Variants in MEGF11 observed in about 807,000 individuals in gnomAD.
MEGF11 encodes multiple epidermal growth factor-like domains protein 11.
Under a neutral mutation model 146.6 loss-of-function variants are expected in MEGF11, and 126 were observed. That is an observed-to-expected ratio of 0.86 (90% CI 0.74 to 1.00). The LOEUF (loss-of-function observed/expected upper bound fraction) is 1.00. Among genes scored for constraint, MEGF11 ranks in the 50% least tolerant of loss-of-function variants. The pLI is 0.00. For missense variants in MEGF11, 1,509 were observed against 1,521.2 expected (o/e 0.99, Z 0.13); for synonymous variants, 532 against 583.4 (o/e 0.91, Z 1.27).
At chr15:66,064,485 C>T (rs970792736) in intron 5 of MEGF11, among the ~76,000 whole-genome samples, 19 of 152,224 alleles carry the variant, frequency 1.2e-4, no homozygotes, top group African/African-American at 3.6e-4. Flanking sequence ...GAATTAGGGC[C>T]ATCTCTTGGA....
intron 5 of MEGF11, among the ~76,000 whole-genome samples, chr15:66,036,148 C>T (rs557552852): frequency 9.8e-5 from 15 of 152,374 alleles, no homozygotes; most frequent in African/African-American, 3.4e-4. Context: ...GAACAGGGAT[C>T]AGTGATAACC....
In MEGF11 at chr15:65,897,582, G is replaced by A. The variant is rs1199237861; in HGVS notation, c.*352C>T. 6.4e-6 allele frequency: 1 copy of A among 157,250 alleles called. No individual in the cohort carries two copies. The allele number at this position is 157,250 out of a possible 1,614,324, so 9.7% of individuals were successfully genotyped here. On this transcript the variant is annotated 3_prime_UTR_variant, in exon 26 of 26. Coordinates refer to ENST00000395614, the MANE Select transcript of MEGF11 (RefSeq NM_001385028.1). ...CTCCCCAGTCTCCTTTTTGTCCTAGGAAGGTTTGTTAAACCTACATGTTTT... is the reference window on the plus strand; with the variant it reads ...CTCCCCAGTCTCCTTTTTGTCCTAGAAAGGTTTGTTAAACCTACATGTTTT...
intron 18 of MEGF11, 31 bp downstream of exon 18, chr15:65,916,117 T>C: frequency 6.4e-7 from 1 of 1,560,480 alleles, no homozygotes; most frequent in Non-Finnish European, 8.7e-7. Flanking sequence ...CCCAGCAGCA[T>C]CACCCAGGAT....
chr15:66,226,002 A>T (rs2091844383), intron 1 of MEGF11, among the ~76,000 whole-genome samples: 1 of 152,236 alleles, frequency 6.6e-6, no homozygotes, highest in Non-Finnish European at 1.5e-5. Flanking sequence ...TACCAACCAC[A>T]GTCCAAAAAT....
chr15:66,196,982 G>A (rs1280336881), intron 1 of MEGF11, among the ~76,000 whole-genome samples: 1 of 150,598 alleles, frequency 6.6e-6, no homozygotes, highest in Non-Finnish European at 1.5e-5. Flanking sequence ...AAATAAATAT[G>A]GAAATCTACA....
rs571348362 is a variant in MEGF11 at position 66,249,580 on chromosome 15, G to C, written c.-9+4025C>G. ...AATTCTATGGCCTCTTGGATGGGGA[G>C]GGGGAGGGGATGTACATAGCAAGTC... On this transcript the variant is annotated intron_variant, in intron 1 of 25. Coordinates refer to ENST00000395614, the MANE Select transcript of MEGF11 (RefSeq NM_001385028.1). 1.1e-4 allele frequency among the ~76,000 whole-genome samples: 17 copies of C among 152,312 alleles called. 1 individual carries two copies. In the East Asian group the frequency reaches 3.1e-3, roughly 28 times the overall value.
At chr15:66,019,364 G>A (rs1198558652) in intron 5 of MEGF11, among the ~76,000 whole-genome samples, 4 of 152,226 alleles carry the variant, frequency 2.6e-5, no homozygotes, top group Non-Finnish European at 5.9e-5. Flanking sequence ...AGGGAATGGG[G>A]TTGAAAGGAA....
At chr15:66,234,711 C>T (rs1237793712) in intron 1 of MEGF11, among the ~76,000 whole-genome samples, 1 of 152,254 alleles carries the variant, frequency 6.6e-6, no homozygotes, top group Non-Finnish European at 1.5e-5. Flanking sequence ...CTGCCCAAGT[C>T]TCATTTCATT....
intron 1 of MEGF11, among the ~76,000 whole-genome samples, chr15:66,189,291 G>A (rs1567277505): frequency 6.6e-6 from 1 of 152,172 alleles, no homozygotes; most frequent in Admixed American, 6.5e-5. Context: ...CAGCATGCTG[G>A]GGTGGGGTGG....
At chr15:66,164,257 C>T (rs2141088379) in intron 1 of MEGF11, among the ~76,000 whole-genome samples, 1 of 152,266 alleles carries the variant, frequency 6.6e-6, no homozygotes, top group African/African-American at 2.4e-5. Context: ...AGAGAAGGGC[C>T]AGGCTGCCCT....
At chr15:66,074,220 A>G (rs879650433) in intron 5 of MEGF11, among the ~76,000 whole-genome samples, 1 of 152,192 alleles carries the variant, frequency 6.6e-6, no homozygotes, top group African/African-American at 2.4e-5. Flanking sequence ...GATAAATAAC[A>G]TATTCATTAT....
chr15:66,197,887 A>G (rs1423466785), intron 1 of MEGF11, among the ~76,000 whole-genome samples: 1 of 152,200 alleles, frequency 6.6e-6, no homozygotes, highest in East Asian at 1.9e-4. Context: ...CAAGGCCTCC[A>G]GGTTTCAAGA....
chr15:65,985,962 T>C (rs1221270794), intron 5 of MEGF11, among the ~76,000 whole-genome samples: 1 of 151,938 alleles, frequency 6.6e-6, no homozygotes, highest in Non-Finnish European at 1.5e-5. Flanking sequence ...CATTTTTTTT[T>C]TTTTTTGAGA....
Position 66,138,559 on chromosome 15 carries a change from G to A in MEGF11, c.-8-10148C>T, listed in dbSNP as rs143531967. Among the ~76,000 whole-genome samples the A allele has an allele frequency of 5.7e-4, 86 of 152,176 alleles. No homozygotes were observed. The East Asian group carries it at 0.013, about 23-fold the overall frequency. On this transcript the variant is annotated intron_variant, in intron 1 of 25. Coordinates refer to ENST00000395614, the MANE Select transcript of MEGF11 (RefSeq NM_001385028.1). ...CTGGCTTGCAGCCCGGTCGGGTCAC[G>A]GCCGGCACTTCACCTCCCTCCTCTG...
chr15:65,980,778 C>G lies in MEGF11; in HGVS notation c.762G>C (p.Thr254=), dbSNP rs540013008. 2.0e-4 allele frequency: 327 copies of G among 1,598,148 alleles called. No homozygotes were observed. The highest frequency in any genetic ancestry group is 2.6e-4 in the Non-Finnish European group (308 of 1,172,886). ...ACCCAGATCCTTTGGGCCCACTTAC[C>G]GTCCAGCCTGGGGGGCAGGCACACT... ...TGECACPPGW[T]GAVCAQPCPP... Residue 254 remains threonine (T), a splice_region_variant and synonymous_variant, in exon 7 of 26, where the codon ACG becomes ACC. Coordinates refer to ENST00000395614, the MANE Select transcript of MEGF11 (RefSeq NM_001385028.1).
chr15:66,237,378 G>A (rs950502441), intron 1 of MEGF11, among the ~76,000 whole-genome samples: 1 of 152,112 alleles, frequency 6.6e-6, no homozygotes, highest in Non-Finnish European at 1.5e-5. Flanking sequence ...AAAATTGATG[G>A]TCTCACCATT....
intron 10 of MEGF11, among the ~76,000 whole-genome samples, chr15:65,935,143 AC>A (rs2079724385): frequency 6.6e-6 from 1 of 151,608 alleles, no homozygotes; most frequent in South Asian, 2.1e-4. Context: ...ACATGGTGAA[AC>A]CCTGTCTCTA....
chr15:66,090,986 C>G (rs1025612434), intron 5 of MEGF11, among the ~76,000 whole-genome samples: 3 of 152,244 alleles, frequency 2.0e-5, no homozygotes, highest in Non-Finnish European at 4.4e-5. Context: ...GAGAGTTAAC[C>G]TTTTTTGTCT....
intron 24 of MEGF11, among the ~76,000 whole-genome samples, chr15:65,902,776 C>T (rs2078526958): frequency 6.6e-6 from 1 of 152,186 alleles, no homozygotes; most frequent in Admixed American, 6.5e-5. Context: ...TCATCTGGTT[C>T]CTGCCTCCCC....
Sources: allele counts gnomAD v4.1 joint callset (sites outside exome capture counted in the v4.1 genomes callset), GRCh38; gene constraint gnomAD v4.1.1; transcripts MANE v1.5; gene names NCBI Gene and HGNC (gene_info 2026-07-23, HGNC 2026-07-21).